PIK3AP1: variants seen among roughly 807,000 people sequenced by gnomAD.
PIK3AP1 encodes the protein phosphoinositide 3-kinase adapter protein 1.
Under a neutral mutation model 88.1 loss-of-function variants are expected in PIK3AP1, and 21 were observed. The ratio of observed to expected loss-of-function variants is 0.24; its 90% confidence interval spans 0.17 to 0.34. The LOEUF is 0.34. Ranked by LOEUF, PIK3AP1 falls within the 10% of genes least tolerant of loss-of-function variation. The probability of loss-of-function intolerance (pLI) is 1.00; values close to 1 mark genes in which losing one functional copy is unlikely to be tolerated. For missense variants in PIK3AP1, 828 were observed against 1,035.7 expected, an observed-to-expected ratio of 0.80 and a Z score of 2.75; for synonymous variants, 398 against 400.0, an observed-to-expected ratio of 1.00 and a Z score of 0.06.
intron 14 of PIK3AP1, among the ~76,000 whole-genome samples, chr10:96,607,181 G>A (rs1469760897): frequency 6.6e-6 from 1 of 152,076 alleles, no homozygotes; most frequent in Admixed American, 6.6e-5. Flanking sequence ...TGGATAAGCT[G>A]GGCCATCCTC....
chr10:96,598,983 G>A (rs573034682), intron 16 of PIK3AP1, among the ~76,000 whole-genome samples: 1 of 152,334 alleles, frequency 6.6e-6, no homozygotes, highest in South Asian at 2.1e-4. Context: ...TTTATGCCAG[G>A]CAATGGCATC....
At chr10:96,603,843 C>T in intron 15 of PIK3AP1, 136 bp downstream of exon 15, 1 of 823,698 alleles carries the variant, frequency 1.2e-6, no homozygotes, top group Non-Finnish European at 1.8e-6. Context: ...GTGGATTTGC[C>T]CACTCTGGCA....
Position 96,674,099 on chromosome 10 carries a change from A to G in PIK3AP1, c.431-17165T>C, listed in dbSNP as rs9783247. On this transcript the variant is annotated intron_variant, in intron 2 of 16. Transcript: ENST00000339364. ...TTCTTGGCGAAGGGCTTAAAGAAAT[A>G]TGAAACAAGATGGCATTCCAAATTC... Among the ~76,000 whole-genome samples, 807 of 152,352 alleles carry G rather than the reference A, an allele frequency of 5.3e-3. 7 individuals carry two copies. Among genetic ancestry groups the G allele is most frequent in the African/African-American group, 0.019 (776 of 41,566 alleles).
intron 2 of PIK3AP1, among the ~76,000 whole-genome samples, chr10:96,688,912 G>C (rs1844113266): frequency 6.6e-6 from 1 of 151,730 alleles, no homozygotes; most frequent in African/African-American, 2.4e-5. Context: ...TTTCACGTAG[G>C]TAGGATCTAC....
chr10:96,641,937 G>T (rs1056264707), intron 8 of PIK3AP1, among the ~76,000 whole-genome samples: 1 of 152,120 alleles, frequency 6.6e-6, no homozygotes, highest in Admixed American at 6.5e-5. Context: ...ACTTCTTTAT[G>T]AATTAAGCTG....
intron 11 of PIK3AP1, among the ~76,000 whole-genome samples, chr10:96,623,023 T>G (rs1268476668): frequency 1.3e-5 from 2 of 152,086 alleles, no homozygotes; most frequent in Admixed American, 1.3e-4. Context: ...CAACCTCCAT[T>G]TTTAGATTGT....
chr10:96,706,387 G>A (rs548420574), intron 2 of PIK3AP1, among the ~76,000 whole-genome samples: 1 of 152,158 alleles, frequency 6.6e-6, no homozygotes, highest in Non-Finnish European at 1.5e-5. Flanking sequence ...AAAAAGATGG[G>A]TTATCACAAG....
intron 8 of PIK3AP1, among the ~76,000 whole-genome samples, chr10:96,634,409 C>T (rs568693848): frequency 3.2e-4 from 48 of 152,218 alleles, no homozygotes; most frequent in Middle Eastern, 3.4e-3. Context: ...TAATAGAGAC[C>T]CAGGTGATGG....
At chr10:96,697,483 G>A (rs980779351) in intron 2 of PIK3AP1, among the ~76,000 whole-genome samples, 1 of 152,206 alleles carries the variant, frequency 6.6e-6, no homozygotes, top group African/African-American at 2.4e-5. Context: ...ACAACACTTT[G>A]GGAGGACAAG....
intron 13 of PIK3AP1, among the ~76,000 whole-genome samples, chr10:96,613,487 T>C (rs1849161958): frequency 6.6e-6 from 1 of 152,318 alleles, no homozygotes; most frequent in South Asian, 2.1e-4. Flanking sequence ...TCAATAGTTA[T>C]GACATTGATT....
chr10:96,617,701 C>A (rs1456728299), intron 12 of PIK3AP1, among the ~76,000 whole-genome samples: 1 of 152,128 alleles, frequency 6.6e-6, no homozygotes, highest in Admixed American at 6.5e-5. Flanking sequence ...AGAGCAGGAC[C>A]AAGCAGGACA....
chr10:96,648,988 C>A (rs1843499295), intron 6 of PIK3AP1, 133 bp from the exon 7 acceptor site: 4 of 685,454 alleles, frequency 5.8e-6, no homozygotes, highest in African/African-American at 1.9e-5. Context: ...GATTGACTGA[C>A]CTAACATCTA....
At chr10:96,713,503 T>TAAAAAA (rs566830672) in intron 1 of PIK3AP1, among the ~76,000 whole-genome samples, 1 of 84,924 alleles carries the variant, frequency 1.2e-5, no homozygotes, top group Non-Finnish European at 2.4e-5. Context: ...GACTCCGTCT[T>TAAAAAA]AAAAAAAAAA....
intron 14 of PIK3AP1, among the ~76,000 whole-genome samples, chr10:96,606,810 C>T (rs1849010992): frequency 1.3e-5 from 2 of 152,200 alleles, no homozygotes. Context: ...TACAGTCTAG[C>T]TCAGTATACA....
chr10:96,690,023 T>C (rs961823569), intron 2 of PIK3AP1, among the ~76,000 whole-genome samples: 2 of 152,232 alleles, frequency 1.3e-5, no homozygotes, highest in Admixed American at 6.5e-5. Flanking sequence ...GTTACTACTG[T>C]CCAGGAATCC....
intron 1 of PIK3AP1, among the ~76,000 whole-genome samples, chr10:96,711,804 G>A (rs1844441527): frequency 7.5e-6 from 1 of 132,732 alleles, no homozygotes; most frequent in Non-Finnish European, 1.5e-5. Context: ...AGGCTGGAGC[G>A]CAGTGGCACG....
intron 3 of PIK3AP1, among the ~76,000 whole-genome samples, chr10:96,655,180 G>A (rs1346467278): frequency 6.6e-6 from 1 of 152,176 alleles, no homozygotes; most frequent in Non-Finnish European, 1.5e-5. Flanking sequence ...GTAAGCCATT[G>A]TGCCCAGCCA....
intron 2 of PIK3AP1, among the ~76,000 whole-genome samples, chr10:96,703,275 AT>A (rs1844322525): frequency 6.6e-6 from 1 of 152,168 alleles, no homozygotes; most frequent in African/African-American, 2.4e-5. Context: ...ATCCCTCTAA[AT>A]TTTTCCCATG....
intron 2 of PIK3AP1, among the ~76,000 whole-genome samples, chr10:96,693,370 T>G (rs965925309): frequency 6.6e-6 from 1 of 152,186 alleles, no homozygotes; most frequent in Non-Finnish European, 1.5e-5. Context: ...AATGGATGGC[T>G]GGACAGATGG....
Sources: allele counts gnomAD v4.1 joint callset (sites outside exome capture counted in the v4.1 genomes callset), GRCh38; gene constraint gnomAD v4.1.1; transcripts MANE v1.5; gene names NCBI Gene and HGNC (gene_info 2026-07-23, HGNC 2026-07-21).